The following CYTH4 variants were observed in gnomAD, a reference collection of about 807,000 sequenced individuals.
CYTH4 encodes cytohesin 4, also known as cytohesin-4.
In CYTH4, 22 loss-of-function variants were observed where a neutral mutation model predicts 57.5. The observed-to-expected ratio is 0.38, with a 90% CI of 0.27 to 0.55. The LOEUF (loss-of-function observed/expected upper bound fraction) is 0.55. Among genes scored for constraint, CYTH4 ranks in the 20% least tolerant of loss-of-function variants. CYTH4 has a pLI of 0.74. For missense variants in CYTH4, 420 were observed against 535.6 expected, an observed-to-expected ratio of 0.78 and a Z score of 2.13; for synonymous variants, 186 against 206.5, an observed-to-expected ratio of 0.90 and a Z score of 0.85.
At chr22:37,292,800 A>G in intron 2 of CYTH4, 97 bp downstream of exon 2, 1 of 1,278,160 alleles carries the variant, frequency 7.8e-7, no homozygotes, top group South Asian at 1.3e-5. Context: ...GTCAACAGAC[A>G]GTGTGGCCAA....
intron 2 of CYTH4, among the ~76,000 whole-genome samples, chr22:37,292,946 G>A (rs914567970): frequency 2.6e-5 from 4 of 152,250 alleles, no homozygotes; most frequent in African/African-American, 7.2e-5. Context: ...ACCGTGTGCC[G>A]ATCCTCATCC....
At chr22:37,301,233 C>T (rs117225332) in intron 7 of CYTH4, among the ~76,000 whole-genome samples, 1,729 of 152,252 alleles carry the variant, frequency 0.011, 41 homozygotes, top group East Asian at 0.076. Flanking sequence ...AGTCAGGAGA[C>T]GATGGCACAG....
intron 9 of CYTH4, chr22:37,310,047 C>G: frequency 2.1e-6 from 1 of 466,794 alleles, no homozygotes; most frequent in Non-Finnish European, 4.4e-6. Flanking sequence ...GGACAGATGC[C>G]TCATGTTGAA....
intron 12 of CYTH4, 75 bp from the exon 13 acceptor site, chr22:37,313,363 CT>C: frequency 1.4e-6 from 2 of 1,447,912 alleles, no homozygotes; most frequent in Non-Finnish European, 1.9e-6. Context: ...TCCCATGCCC[CT>C]GATACAAGCC....
intron 1 of CYTH4, among the ~76,000 whole-genome samples, chr22:37,284,683 G>T (rs1191774737): frequency 6.6e-6 from 1 of 152,126 alleles, no homozygotes; most frequent in East Asian, 1.9e-4. Context: ...CCTGCCAGTG[G>T]TCATGGTCTC....
chr22:37,303,254 A>T lies in CYTH4; in HGVS notation c.548A>T (p.Asp183Val). 1 of 1,614,052 alleles carries T rather than the reference A, an allele frequency of 6.2e-7. No homozygotes were observed. The highest frequency in any genetic ancestry group is 1.1e-5 in the South Asian group (1 of 91,080). The change falls in exon 8 of 13, where the codon GAC (aspartate) becomes GTC (valine). Residue 183 changes from aspartate (D) to valine (V), a missense_variant and splice_region_variant. By Grantham distance (152) the Asp-to-Val change is radical (BLOSUM62 -3). Transcript: ENST00000248901. ...ACTGTGACCGCTGTCCCCTCCGCAG[A>T]CACCTGCTACGTGTTGTCCTTCTCC... ...LCNPGVFQSTDTCYVLSFSII... is the reference protein window; with the variant it reads ...LCNPGVFQSTVTCYVLSFSII...
chr22:37,312,607 G>A (rs533818306), intron 12 of CYTH4, among the ~76,000 whole-genome samples: 2 of 152,216 alleles, frequency 1.3e-5, no homozygotes, highest in Non-Finnish European at 2.9e-5. Context: ...ACAGCATCCC[G>A]GAGTCCGAGT....
Position 37,297,501 on chromosome 22 carries a change from C to CT in CYTH4, c.235-61dup. ...TCTGGCCATGGAAGCTCCTTCCTCC[C>CT]TTCCCCCTCCCAGGCCTGCTTCCAT... On this transcript the variant is annotated intron_variant, in intron 4 of 12. Coordinates refer to ENST00000248901, the MANE Select transcript of CYTH4 (RefSeq NM_013385.5). 3.4e-6 allele frequency: 5 copies of CT among 1,456,212 alleles called. No individual in the cohort carries two copies. The South Asian group carries it at 5.7e-5, about 17-fold the overall frequency. The allele number at this position is 1,456,212 out of a possible 1,614,324, so 90.2% of individuals were successfully genotyped here.
rs1409503684 is a variant in CYTH4 at position 37,314,348 on chromosome 22, G to A, written c.*837G>A. 2 of 398,804 alleles carry A rather than the reference G, an allele frequency of 5.0e-6. No homozygotes were observed. The highest frequency in any genetic ancestry group is 8.8e-5 in the Admixed American group (2 of 22,742). 24.7% of individuals were successfully genotyped at this position (398,804 alleles called of 1,614,324 possible). A position where few individuals can be genotyped will look rare whatever the true frequency, so the allele number is the denominator to read the frequency against. ...TCCAGGATGTCCATTTCGGGGAGAGGAGCAGGTGGGACCCTCAAGAAAATG... is the reference window on the plus strand; with the variant it reads ...TCCAGGATGTCCATTTCGGGGAGAGAAGCAGGTGGGACCCTCAAGAAAATG... On this transcript the variant is annotated 3_prime_UTR_variant, in exon 13 of 13. Transcript: ENST00000248901.
chr22:37,309,559 A>T (rs1434584415), intron 9 of CYTH4, among the ~76,000 whole-genome samples: 1 of 152,148 alleles, frequency 6.6e-6, no homozygotes, highest in Non-Finnish European at 1.5e-5. Context: ...CTGAGCTGTA[A>T]GCCGGGCGAG....
intron 1 of CYTH4, among the ~76,000 whole-genome samples, chr22:37,289,847 G>T (rs1376992055): frequency 6.6e-6 from 1 of 152,212 alleles, no homozygotes; most frequent in Admixed American, 6.5e-5. Flanking sequence ...GAAGGAAGCA[G>T]CTGGAAGGAG....
intron 1 of CYTH4, among the ~76,000 whole-genome samples, chr22:37,287,724 C>G (rs535513978): frequency 7.2e-5 from 11 of 152,332 alleles, no homozygotes; most frequent in African/African-American, 2.6e-4. Context: ...GGTCAGCAAA[C>G]AAGGGTGCAG....
Position 37,292,560 on chromosome 22 carries a change from G to A in CYTH4, c.20-61G>A. The A allele has an allele frequency of 1.9e-6, 3 of 1,555,088 alleles. No homozygotes were observed. In the South Asian group the frequency reaches 3.4e-5, roughly 17 times the overall value. ...CCGGAGGGAAGGGGGCCCTGCAGAA[G>A]TGAGGGCAAGTGGGTGTGGCTGGAG... On this transcript the variant is annotated intron_variant, in intron 1 of 12. Transcript: ENST00000248901.
At chr22:37,292,475 C>T (rs756111560) in intron 1 of CYTH4, 146 bp from the exon 2 acceptor site, 43 of 714,782 alleles carry the variant, frequency 6.0e-5, no homozygotes, top group Non-Finnish European at 7.5e-5. Context: ...TTAGACAGGG[C>T]AGTCAGGGGA....
chr22:37,303,078 G>A (rs1175624834), intron 7 of CYTH4, among the ~76,000 whole-genome samples, 176 bp from the exon 8 acceptor site: 5 of 152,158 alleles, frequency 3.3e-5, no homozygotes, highest in African/African-American at 9.7e-5. Flanking sequence ...AGTTTAAGAG[G>A]GGGTGGGGAC....
At chr22:37,310,769 C>T (rs538921450) in intron 9 of CYTH4, among the ~76,000 whole-genome samples, 2 of 152,296 alleles carry the variant, frequency 1.3e-5, no homozygotes, top group East Asian at 3.9e-4. Flanking sequence ...GCCACCCAAA[C>T]GCCAGCTCAA....
At chr22:37,290,642 G>A (rs1928715908) in intron 1 of CYTH4, among the ~76,000 whole-genome samples, 1 of 152,146 alleles carries the variant, frequency 6.6e-6, no homozygotes, top group Non-Finnish European at 1.5e-5. Context: ...CGGTGTACCT[G>A]GGACTACAGG....
At chr22:37,303,490 G>A in intron 8 of CYTH4, 88 bp downstream of exon 8, 1 of 1,473,764 alleles carries the variant, frequency 6.8e-7, no homozygotes, top group Non-Finnish European at 9.0e-7. Context: ...GGGCTCCTCT[G>A]AGATAGACAG....
At chr22:37,304,248 G>A (rs1400883786) in intron 8 of CYTH4, 2 of 456,610 alleles carry the variant, frequency 4.4e-6, no homozygotes, top group East Asian at 6.9e-5. Flanking sequence ...ACGGAGGCGT[G>A]TCCTGATTGG....
Sources: gnomAD v4.1 joint callset for allele counts (sites outside exome capture counted in the v4.1 genomes callset) on GRCh38, gnomAD v4.1.1 for gene constraint, MANE v1.5 for transcripts, NCBI Gene and HGNC (gene_info 2026-07-23, HGNC 2026-07-21) for gene names.